Variants in CARM1 observed in about 807,000 individuals in gnomAD.
The protein encoded by CARM1 is coactivator associated arginine methyltransferase 1, also known as histone-arginine methyltransferase CARM1.
In CARM1, 14 loss-of-function variants were observed where a neutral mutation model predicts 72.7. The observed-to-expected ratio is 0.19, with a 90% CI of 0.13 to 0.30. The LOEUF is 0.30. CARM1 is among the 10% of genes least tolerant of loss of function. The pLI is 1.00. For missense variants in CARM1, 432 were observed against 833.7 expected, an observed-to-expected ratio of 0.52 and a Z score of 5.93; for synonymous variants, 333 against 345.5, an observed-to-expected ratio of 0.96 and a Z score of 0.40.
chr19:10,901,492 ATTT>A (rs796951506), intron 1 of CARM1, among the ~76,000 whole-genome samples: 1 of 150,280 alleles, frequency 6.7e-6, no homozygotes, highest in Non-Finnish European at 1.5e-5. Flanking sequence ...AATTTTGTTT[ATTT>A]TTTTGTAGCG....
At chr19:10,921,211 T>C in intron 14 of CARM1, 84 bp downstream of exon 14, 1 of 1,483,702 alleles carries the variant, frequency 6.7e-7, no homozygotes, top group Non-Finnish European at 9.4e-7. Flanking sequence ...GTGACCAGGG[T>C]CGGCCTCTGC....
At chr19:10,905,107 C>T in intron 2 of CARM1, 31 bp downstream of exon 2, 1 of 1,608,638 alleles carries the variant, frequency 6.2e-7, no homozygotes, top group Non-Finnish European at 8.5e-7. Flanking sequence ...TCCGGTGACA[C>T]CAGCCCAAAG....
intron 1 of CARM1, among the ~76,000 whole-genome samples, chr19:10,897,809 G>A (rs1024290616): frequency 1.5e-4 from 23 of 152,136 alleles, no homozygotes; most frequent in African/African-American, 5.1e-4. Context: ...TCAACGAGGT[G>A]AAACCCTGTC....
intron 1 of CARM1, among the ~76,000 whole-genome samples, chr19:10,881,217 A>G (rs1437858680): frequency 6.6e-6 from 1 of 152,214 alleles, no homozygotes; most frequent in Non-Finnish European, 1.5e-5. Context: ...AAAGGAAGAA[A>G]GAAAAGAAAA....
In CARM1 at chr19:10,921,431, G is replaced by A. The variant is rs756527791; in HGVS notation, c.1672G>A (p.Gly558Arg). The change falls in exon 15 of 16, where the codon GGG becomes AGG. Residue 558 changes from glycine to arginine, a missense_variant. Around this residue, in one of 3 missense-constraint regions of CARM1, gnomAD observed 142 missense variants for 188.7 expected, o/e 0.75. Coordinates refer to ENST00000327064, the MANE Select transcript of CARM1 (RefSeq NM_199141.2). ...HSRMGSIMST[G>R]IVQGSSGAQG... is the part of the protein sequence containing the mutation. Reference sequence around the variant, plus strand: ...CCGGATGGGCTCCATAATGAGCACGGGGATTGTCCAAGGTAACGAGGGTGG... The same window carrying A: ...CCGGATGGGCTCCATAATGAGCACGAGGATTGTCCAAGGTAACGAGGGTGG... 3 of 1,609,228 alleles carry A rather than the reference G, an allele frequency of 1.9e-6. No homozygotes were observed. In the African/African-American group the frequency reaches 4.0e-5, roughly 22 times the overall value.
At position 10,912,627 on chromosome 19, in the gene CARM1, C is replaced by A. The variant is rs1221885623; in HGVS notation, c.669+333C>A. Among the ~76,000 whole-genome samples, 2 of 152,104 alleles carry A rather than the reference C, an allele frequency of 1.3e-5. No individual in the cohort carries two copies. Among genetic ancestry groups the A allele is most frequent in the Non-Finnish European group, 2.9e-5 (2 of 68,020 alleles). On this transcript the variant is annotated intron_variant, in intron 5 of 15. Coordinates refer to ENST00000327064, the MANE Select transcript of CARM1 (RefSeq NM_199141.2). This position sits in a 1 kb window ranked among gnomAD's most constrained non-coding sequence, Gnocchi z 4.5. ...CCCCACCCCAGCTCCCACCCCCAGC[C>A]CCATCATGAGAGAGGAGCTACGGCC... is the stretch of plus-strand genomic sequence containing the variant.
At chr19:10,883,265 A>C (rs1244636065) in intron 1 of CARM1, among the ~76,000 whole-genome samples, 1 of 152,184 alleles carries the variant, frequency 6.6e-6, no homozygotes, top group Non-Finnish European at 1.5e-5. Context: ...GTGGCCTGGA[A>C]GAGAAGATGT....
At chr19:10,900,489 T>C (rs998962152) in intron 1 of CARM1, among the ~76,000 whole-genome samples, 1 of 152,228 alleles carries the variant, frequency 6.6e-6, no homozygotes, top group African/African-American at 2.4e-5. Context: ...TATTCATTCA[T>C]GTTGCAGCAT....
rs370071419 is a variant in CARM1, at chr19:10,920,873, C to A, written c.1464C>A (p.His488Gln). The A allele has an allele frequency of 6.2e-6, 10 of 1,614,254 alleles. No individual in the cohort carries two copies. In the Admixed American group the frequency reaches 1.7e-4, roughly 27 times the overall value. ...CGCCCTCACCCCCACCCGGCTCCCA[C>A]TACACATCTCCCTCGGAAAACATGT... ...GTTPSPPPGS[H>Q]YTSPSENMWN... The change falls in exon 13 of 16, where the codon CAC becomes CAA. Residue 488 changes from histidine to glutamine, a missense_variant. Physicochemically the swap from His to Gln is conservative, Grantham distance 24. Around this residue, in one of 3 missense-constraint regions of CARM1, gnomAD observed 142 missense variants for 188.7 expected, o/e 0.75. Coordinates refer to ENST00000327064, the MANE Select transcript of CARM1 (RefSeq NM_199141.2). The surrounding 1 kb of genome is among the most constrained non-coding windows in gnomAD (Gnocchi z 5.3).
At position 10,890,774 on chromosome 19, in the gene CARM1, CATATAT is replaced by C. The variant is rs1396281380; in HGVS notation, c.221-14160_221-14155del. ...ATACACACACACATATACACACACA[CATATAT>C]ATATATATATATATATTTTTTTTTT... On this transcript the variant is annotated intron_variant, in intron 1 of 15. Coordinates refer to ENST00000327064, the MANE Select transcript of CARM1 (RefSeq NM_199141.2). Among the ~76,000 whole-genome samples the C allele has an allele frequency of 8.2e-4, 52 of 63,610 alleles. 2 individuals are homozygous for C. Among genetic ancestry groups the C allele is most frequent in the African/African-American group, 2.7e-3 (40 of 14,688 alleles). 41.7% of individuals were successfully genotyped at this position (63,610 alleles called of 152,430 possible). A position where few individuals can be genotyped will look rare whatever the true frequency, so the allele number is the denominator to read the frequency against.
chr19:10,876,860 G>A (rs961031674), intron 1 of CARM1, among the ~76,000 whole-genome samples: 1 of 152,244 alleles, frequency 6.6e-6, no homozygotes, highest in Non-Finnish European at 1.5e-5. Flanking sequence ...GCCCTGTGGC[G>A]CTCTTTCTGG....
chr19:10,875,956 T>A (rs1273447451), intron 1 of CARM1, among the ~76,000 whole-genome samples: 1 of 150,868 alleles, frequency 6.6e-6, no homozygotes, highest in African/African-American at 2.4e-5. Context: ...AACCTCTGCC[T>A]CCCGGGTTCG....
chr19:10,894,030 G>A (rs532343591), intron 1 of CARM1, among the ~76,000 whole-genome samples: 1 of 152,356 alleles, frequency 6.6e-6, no homozygotes, highest in African/African-American at 2.4e-5. Flanking sequence ...GGAATGGGGG[G>A]AAGCTTCTGG....
At position 10,900,823 on chromosome 19, in the gene CARM1, A is replaced by G. The variant is rs564966832; in HGVS notation, c.221-4128A>G. 2.0e-5 allele frequency among the ~76,000 whole-genome samples: 3 copies of G among 151,860 alleles called. No individual in the cohort carries two copies. In the South Asian group the frequency reaches 6.3e-4, roughly 32 times the overall value. On this transcript the variant is annotated intron_variant, in intron 1 of 15. Transcript: ENST00000327064. Reference sequence around the variant, plus strand: ...CTCAGCCTCCCGAGTAGCTGGGACTACAGGCACCCGTCACCACACCCGGCT... The same window carrying G: ...CTCAGCCTCCCGAGTAGCTGGGACTGCAGGCACCCGTCACCACACCCGGCT...
At chr19:10,884,559 C>T (rs1423166921) in intron 1 of CARM1, among the ~76,000 whole-genome samples, 2 of 151,960 alleles carry the variant, frequency 1.3e-5, no homozygotes, top group African/African-American at 4.8e-5. Flanking sequence ...TGCCCCCCCT[C>T]CCCCTGTGCT....
intron 1 of CARM1, among the ~76,000 whole-genome samples, chr19:10,882,838 C>T (rs1418102470): frequency 6.6e-6 from 1 of 152,126 alleles, no homozygotes; most frequent in South Asian, 2.1e-4. Context: ...CCACCGTGCC[C>T]GACCTCAGTC....
At chr19:10,914,196 C>G in intron 6 of CARM1, 142 bp downstream of exon 6, 1 of 823,080 alleles carries the variant, frequency 1.2e-6, no homozygotes, top group Non-Finnish European at 1.9e-6. Context: ...CCGCTCCCAC[C>G]CCAACCCCAC....
At chr19:10,895,350 G>T (rs145042607) in intron 1 of CARM1, among the ~76,000 whole-genome samples, 5 of 152,112 alleles carry the variant, frequency 3.3e-5, no homozygotes, top group African/African-American at 1.2e-4. Flanking sequence ...AGCGATCCAC[G>T]TGCCTTGGCC....
intron 1 of CARM1, among the ~76,000 whole-genome samples, chr19:10,899,735 T>C (rs1385248661): frequency 6.6e-6 from 1 of 151,130 alleles, no homozygotes; most frequent in African/African-American, 2.4e-5. Flanking sequence ...TTTTTTTTTT[T>C]TTTGAGACGG....
Sources: gnomAD v4.1 joint callset for allele counts (sites outside exome capture counted in the v4.1 genomes callset) on GRCh38, gnomAD v4.1.1 for gene constraint, gnomAD v4.1.1 regional missense constraint, Gnocchi (gnomAD v3.1) non-coding constraint, MANE v1.5 for transcripts, NCBI Gene and HGNC (gene_info 2026-07-23, HGNC 2026-07-21) for gene names.